Variants in KAZN observed in about 807,000 individuals in gnomAD.
KAZN encodes the protein kazrin.
Under a neutral mutation model 87.4 loss-of-function variants are expected in KAZN, and 40 were observed. The observed-to-expected ratio is 0.46, with a 90% CI of 0.36 to 0.60. The LOEUF is 0.60. Among genes scored for constraint, KAZN ranks in the 20% least tolerant of loss-of-function variants. The pLI is 0.00. For synonymous variants in KAZN, 466 were observed against 458.3 expected, an observed-to-expected ratio of 1.02 and a Z score of -0.22; for missense variants, 898 against 1,073.9, an observed-to-expected ratio of 0.84 and a Z score of 2.29.
chr1:14,325,357 G>T (rs920503155), intron 2 of KAZN, among the ~76,000 whole-genome samples: 2 of 152,134 alleles, frequency 1.3e-5, no homozygotes, highest in South Asian at 2.1e-4. Flanking sequence ...CAGTGTGTCT[G>T]CTTCCCTACA....
At chr1:13,946,464 C>T (rs1010446982) in intron 1 of KAZN, among the ~76,000 whole-genome samples, 5 of 151,986 alleles carry the variant, frequency 3.3e-5, no homozygotes, top group African/African-American at 1.2e-4. Context: ...GAATCAAGAG[C>T]ACAGAAGTCT....
intron 1 of KAZN, among the ~76,000 whole-genome samples, chr1:13,955,911 C>T (rs992707688): frequency 5.9e-5 from 9 of 152,134 alleles, no homozygotes; most frequent in South Asian, 2.1e-4. Context: ...TTACAGCCTG[C>T]GGCCCATGAT....
chr1:14,745,749 T>A (rs1644246175), intron 1 of KAZN, among the ~76,000 whole-genome samples: 1 of 152,200 alleles, frequency 6.6e-6, no homozygotes. Context: ...GACTGATCCA[T>A]CCGGAGCTTC....
At chr1:15,103,541 A>G in intron 12 of KAZN, 81 bp downstream of exon 12, 1 of 888,460 alleles carries the variant, frequency 1.1e-6, no homozygotes, top group East Asian at 2.7e-5. Flanking sequence ...CAATATGCAA[A>G]TCACATGCAA....
At chr1:14,888,752 G>A (rs1206228316) in intron 1 of KAZN, among the ~76,000 whole-genome samples, 1 of 152,048 alleles carries the variant, frequency 6.6e-6, no homozygotes, top group Non-Finnish European at 1.5e-5. Context: ...GCTTTCAACA[G>A]CAAGGATTTA....
chr1:14,329,512 G>A (rs1211484208), intron 2 of KAZN, among the ~76,000 whole-genome samples: 1 of 152,228 alleles, frequency 6.6e-6, no homozygotes, highest in Admixed American at 6.5e-5. Flanking sequence ...GCAGGGACAT[G>A]ATTGGCAGAT....
chr1:14,012,015 G>A (rs1323144757), intron 1 of KAZN, among the ~76,000 whole-genome samples: 1 of 152,136 alleles, frequency 6.6e-6, no homozygotes, highest in Non-Finnish European at 1.5e-5. Flanking sequence ...CTGGCATTTT[G>A]TGGGTGGGGA....
chr1:14,754,496 G>C (rs997695383), intron 1 of KAZN, among the ~76,000 whole-genome samples: 4 of 152,110 alleles, frequency 2.6e-5, no homozygotes, highest in Admixed American at 6.5e-5. Flanking sequence ...AGCCAGGCAT[G>C]GTGGTGGGCG....
At chr1:14,037,621 C>T (rs1403610108) in intron 1 of KAZN, among the ~76,000 whole-genome samples, 1 of 152,166 alleles carries the variant, frequency 6.6e-6, no homozygotes, top group Non-Finnish European at 1.5e-5. Context: ...CTGTTCCTCT[C>T]CTCCAGCTGT....
intron 1 of KAZN, among the ~76,000 whole-genome samples, chr1:14,890,839 A>ATT (rs1654630602): frequency 4.7e-5 from 2 of 42,224 alleles, no homozygotes; most frequent in African/African-American, 1.6e-4. Flanking sequence ...AGGAATCTGG[A>ATT]CTTTTTTTTT....
rs1410159455 is a variant in KAZN, at chr1:14,151,416, A to G, written c.92-29019A>G. 2.6e-5 allele frequency among the ~76,000 whole-genome samples: 4 copies of G among 152,222 alleles called. No individual in the cohort carries two copies. The East Asian group carries it at 7.7e-4, about 29-fold the overall frequency. ...GAGCAAGCAATATGTTTCACTGCTT[A>G]GAAGCAATGAAAATGATCACTTTGA... On this transcript the variant is annotated intron_variant, in intron 1 of 16. Transcript: ENST00000636203.
intron 2 of KAZN, among the ~76,000 whole-genome samples, chr1:14,375,519 C>G (rs1660825516): frequency 6.6e-6 from 1 of 152,192 alleles, no homozygotes; most frequent in Non-Finnish European, 1.5e-5. Flanking sequence ...CCCTGAAAAC[C>G]AAGCCCACTA....
At chr1:14,390,682 T>G in intron 2 of KAZN, 1 of 152,538 alleles carries the variant, frequency 6.6e-6, no homozygotes, top group South Asian at 2.1e-4. Context: ...ATTTATTGAC[T>G]CACAGTTCTG....
chr1:14,307,494 T>G (rs1201293068), intron 2 of KAZN, among the ~76,000 whole-genome samples: 5 of 152,206 alleles, frequency 3.3e-5, no homozygotes, highest in Admixed American at 1.3e-4. Flanking sequence ...GGAGATACTA[T>G]CATTGTCCTC....
intron 2 of KAZN, among the ~76,000 whole-genome samples, chr1:14,225,256 A>G (rs1483714530): frequency 6.6e-6 from 1 of 152,138 alleles, no homozygotes; most frequent in Non-Finnish European, 1.5e-5. Flanking sequence ...CATCACCAAC[A>G]TCCAAGCTGA....
rs187708875 is a variant in KAZN, at chr1:14,014,294, C to T, written c.91+120538C>T. ...GAGTCTCTCAGAGAAGCATCTAAGT[C>T]GCCTAGACCAGGGTGCTTGGGCAAT... On this transcript the variant is annotated intron_variant, in intron 1 of 16. Transcript: ENST00000636203. Among the ~76,000 whole-genome samples the T allele has an allele frequency of 2.1e-4, 32 of 152,206 alleles. No homozygotes were observed. The East Asian group carries it at 2.5e-3, about 12-fold the overall frequency.
At chr1:14,572,300 CTG>C (rs1204314672) in intron 2 of KAZN, among the ~76,000 whole-genome samples, 1 of 152,158 alleles carries the variant, frequency 6.6e-6, no homozygotes, top group Non-Finnish European at 1.5e-5. Context: ...TGTACAAAGG[CTG>C]TGTGTTCACG....
chr1:13,981,108 T>TATATATACAC (rs1240772136), intron 1 of KAZN, among the ~76,000 whole-genome samples: 3 of 134,804 alleles, frequency 2.2e-5, no homozygotes, highest in Non-Finnish European at 3.2e-5. Context: ...TATATATATA[T>TATATATACAC]ATGTATATAT....
chr1:14,737,993 C>T (rs1033270534), intron 1 of KAZN, among the ~76,000 whole-genome samples: 1 of 152,186 alleles, frequency 6.6e-6, no homozygotes, highest in Non-Finnish European at 1.5e-5. Context: ...ATCACATTCA[C>T]AGGTTCTGCA....
Sources: gnomAD v4.1 joint callset for allele counts (sites outside exome capture counted in the v4.1 genomes callset) on GRCh38, gnomAD v4.1.1 for gene constraint, MANE v1.5 for transcripts, NCBI Gene and HGNC (gene_info 2026-07-23, HGNC 2026-07-21) for gene names.